The following PIP4K2A variants were observed in gnomAD, a reference collection of about 807,000 sequenced individuals.
PIP4K2A encodes the protein phosphatidylinositol 5-phosphate 4-kinase type-2 alpha.
In PIP4K2A, 14 loss-of-function variants were observed where a neutral mutation model predicts 42.9. That is an observed-to-expected ratio of 0.33 (90% CI 0.22 to 0.51). The LOEUF (loss-of-function observed/expected upper bound fraction) is 0.51, where lower values mean the gene tolerates loss of function less well. Among genes scored for constraint, PIP4K2A ranks in the 20% least tolerant of loss-of-function variants. The probability of loss-of-function intolerance (pLI) is 0.97; values close to 1 mark genes in which losing one functional copy is unlikely to be tolerated. For missense variants in PIP4K2A, 434 were observed against 519.8 expected (o/e 0.83, Z 1.61); for synonymous variants, 192 against 192.2 (o/e 1.00, Z 0.01).
intron 6 of PIP4K2A, among the ~76,000 whole-genome samples, chr10:22,566,313 G>A (rs1482208027): frequency 6.6e-6 from 1 of 152,100 alleles, no homozygotes; most frequent in Non-Finnish European, 1.5e-5. Context: ...AGGAAAAACA[G>A]AAAAGAACCT....
intron 5 of PIP4K2A, among the ~76,000 whole-genome samples, chr10:22,571,208 A>C (rs370000006): frequency 1.3e-5 from 2 of 152,176 alleles, no homozygotes; most frequent in South Asian, 4.1e-4. Flanking sequence ...AGAACAACTG[A>C]CAGTCTATGT....
rs1015631907 is a variant in PIP4K2A, at chr10:22,691,252, T to C, written c.144+22931A>G. Among the ~76,000 whole-genome samples the C allele has an allele frequency of 5.3e-5, 8 of 152,312 alleles. No homozygotes were observed. The South Asian group carries it at 1.7e-3, about 32-fold the overall frequency. On this transcript the variant is annotated intron_variant, in intron 1 of 9. Transcript: ENST00000376573. ...AGTTCAGGCCTGCCCTCCTTTGTCC[T>C]TGTCATCCTACCTCCTGGGAACCTG... is the stretch of plus-strand genomic sequence containing the variant.
intron 1 of PIP4K2A, among the ~76,000 whole-genome samples, chr10:22,656,273 C>T (rs942834905): frequency 6.6e-6 from 1 of 152,218 alleles, no homozygotes; most frequent in Non-Finnish European, 1.5e-5. Flanking sequence ...GGGGCACCGG[C>T]CCCTCTCGAA....
chr10:22,601,570 C>T (rs1164091177), intron 3 of PIP4K2A, among the ~76,000 whole-genome samples: 1 of 152,208 alleles, frequency 6.6e-6, no homozygotes, highest in Non-Finnish European at 1.5e-5. Context: ...GCAAACCCAA[C>T]AGGCAACTAC....
At chr10:22,653,967 G>A (rs190459890) in intron 1 of PIP4K2A, among the ~76,000 whole-genome samples, 6 of 152,296 alleles carry the variant, frequency 3.9e-5, no homozygotes, top group Admixed American at 6.5e-5. Flanking sequence ...TTAATACCAA[G>A]AGAAAACAGC....
chr10:22,648,077 C>A (rs1034291747), intron 1 of PIP4K2A, among the ~76,000 whole-genome samples: 1 of 152,190 alleles, frequency 6.6e-6, no homozygotes, highest in Admixed American at 6.5e-5. Flanking sequence ...TCCTCAAAGC[C>A]TTCCTGGAAT....
chr10:22,594,094 C>T (rs1186180340), intron 3 of PIP4K2A, among the ~76,000 whole-genome samples: 1 of 152,172 alleles, frequency 6.6e-6, no homozygotes, highest in Non-Finnish European at 1.5e-5. Context: ...AGGGGTGGGG[C>T]ATTTTCAGAA....
At position 22,537,174 on chromosome 10, in the gene PIP4K2A, C is replaced by T; in HGVS notation, c.*27G>A. 1.3e-6 allele frequency: 2 copies of T among 1,567,180 alleles called. No homozygotes were observed. The highest frequency in any genetic ancestry group is 1.7e-6 in the Non-Finnish European group (2 of 1,146,014). On this transcript the variant is annotated 3_prime_UTR_variant, in exon 10 of 10. Transcript: ENST00000376573. ...AAGCCACCTCTGTCCATCCAATGTTCATGTCTGTCCGAGGCTGCGCAGGAG... is the reference window on the plus strand; with the variant it reads ...AAGCCACCTCTGTCCATCCAATGTTTATGTCTGTCCGAGGCTGCGCAGGAG...
At chr10:22,577,097 A>G (rs1304867329) in intron 4 of PIP4K2A, among the ~76,000 whole-genome samples, 6 of 151,004 alleles carry the variant, frequency 4.0e-5, no homozygotes, top group African/African-American at 1.2e-4. Context: ...AAAAAAAAAA[A>G]AAGTATTCAT....
At chr10:22,582,149 A>C (rs1284399043) in intron 4 of PIP4K2A, among the ~76,000 whole-genome samples, 2 of 152,152 alleles carry the variant, frequency 1.3e-5, no homozygotes, top group Non-Finnish European at 2.9e-5. Flanking sequence ...TCGTCAACAA[A>C]GGTAAAGTTT....
intron 1 of PIP4K2A, among the ~76,000 whole-genome samples, chr10:22,664,228 TACACACACACACACACAC>T (rs370820884): frequency 2.2e-5 from 2 of 89,848 alleles, no homozygotes; most frequent in East Asian, 2.7e-4. Context: ...CATATATATA[TACACACACACACACACAC>T]ACACATATAT....
At chr10:22,557,497 T>G (rs1188979381) in intron 6 of PIP4K2A, among the ~76,000 whole-genome samples, 1 of 152,246 alleles carries the variant, frequency 6.6e-6, no homozygotes, top group Non-Finnish European at 1.5e-5. Flanking sequence ...TATGTGTACA[T>G]ATGTGCTTAT....
intron 1 of PIP4K2A, among the ~76,000 whole-genome samples, chr10:22,664,680 G>T (rs1839314961): frequency 6.6e-6 from 1 of 151,660 alleles, no homozygotes; most frequent in African/African-American, 2.4e-5. Context: ...ATTTTTTAAT[G>T]CTAATAAATA....
At chr10:22,685,546 C>T (rs1001179899) in intron 1 of PIP4K2A, among the ~76,000 whole-genome samples, 2 of 151,910 alleles carry the variant, frequency 1.3e-5, no homozygotes, top group African/African-American at 4.8e-5. Flanking sequence ...AACAAACAAA[C>T]AAACAAAAAC....
intron 4 of PIP4K2A, among the ~76,000 whole-genome samples, chr10:22,574,512 T>C (rs1217957258): frequency 6.6e-6 from 1 of 151,158 alleles, no homozygotes; most frequent in African/African-American, 2.4e-5. Context: ...CCTTTCAAAC[T>C]TCTTAGTTGT....
intron 6 of PIP4K2A, chr10:22,567,578 G>A: frequency 1.5e-6 from 1 of 682,426 alleles, no homozygotes; most frequent in Non-Finnish European, 2.8e-6. Flanking sequence ...TACTGCACAG[G>A]TGGCTGTGTT....
chr10:22,585,048 G>A (rs1444422661), intron 4 of PIP4K2A, among the ~76,000 whole-genome samples: 1 of 152,160 alleles, frequency 6.6e-6, no homozygotes, highest in Non-Finnish European at 1.5e-5. Flanking sequence ...GCCAGTCAGA[G>A]CCCTGATGAA....
intron 1 of PIP4K2A, among the ~76,000 whole-genome samples, chr10:22,642,984 GA>G (rs1838811568): frequency 6.6e-6 from 1 of 152,142 alleles, no homozygotes; most frequent in Non-Finnish European, 1.5e-5. Flanking sequence ...TCACGCTCCT[GA>G]ATATGAGACC....
chr10:22,691,653 C>T (rs991381562), intron 1 of PIP4K2A: 3 of 152,296 alleles, frequency 2.0e-5, no homozygotes, highest in South Asian at 2.1e-4. Flanking sequence ...TCTCCCATTG[C>T]GTCATTTGCT....
Sources: gnomAD v4.1 joint callset for allele counts (sites outside exome capture counted in the v4.1 genomes callset) on GRCh38, gnomAD v4.1.1 for gene constraint, MANE v1.5 for transcripts, NCBI Gene and HGNC (gene_info 2026-07-23, HGNC 2026-07-21) for gene names.